Variants in CHRM3 observed in about 807,000 individuals in gnomAD.
The protein encoded by CHRM3 is cholinergic receptor muscarinic 3, also known as muscarinic acetylcholine receptor M3.
A neutral mutation model predicts 41.8 loss-of-function variants in CHRM3; 11 were observed. That is an observed-to-expected ratio of 0.26 (90% CI 0.17 to 0.44). The LOEUF (loss-of-function observed/expected upper bound fraction) is 0.44, where lower values mean the gene tolerates loss of function less well. Ranked by LOEUF, CHRM3 falls within the 20% of genes least tolerant of loss-of-function variation. The pLI is 1.00. For synonymous variants in CHRM3, 297 were observed against 301.4 expected (o/e 0.99, Z 0.15); for missense variants, 571 against 745.4 (o/e 0.77, Z 2.72).
At position 239,611,611 on chromosome 1, in the gene CHRM3, G is replaced by A. The variant is rs551333414; in HGVS notation, c.-312-20613G>A. Among the ~76,000 whole-genome samples the A allele has an allele frequency of 1.2e-4, 18 of 151,900 alleles. No individual in the cohort carries two copies. The East Asian group carries it at 2.3e-3, about 20-fold the overall frequency. ...AACTTTTTTATTTTTAGTAGAGATGGGGTTTCACCATGTTGGCCAGGATGG... is the reference window on the plus strand; with the variant it reads ...AACTTTTTTATTTTTAGTAGAGATGAGGTTTCACCATGTTGGCCAGGATGG... On this transcript the variant is annotated intron_variant, in intron 3 of 6. Transcript: ENST00000676153.
At chr1:239,409,928 G>T (rs1038808585) in intron 1 of CHRM3, among the ~76,000 whole-genome samples, 1 of 152,136 alleles carries the variant, frequency 6.6e-6, no homozygotes, top group Non-Finnish European at 1.5e-5. Context: ...GTGACAGAGC[G>T]AGACTCCGTC....
chr1:239,732,779 A>G (rs892874539), intron 5 of CHRM3, among the ~76,000 whole-genome samples: 2 of 93,030 alleles, frequency 2.1e-5, no homozygotes, highest in Admixed American at 1.3e-4. Context: ...TTAGATAAGT[A>G]TACCTAATAT....
intron 1 of CHRM3, among the ~76,000 whole-genome samples, chr1:239,447,033 C>T (rs1205345576): frequency 6.6e-6 from 1 of 152,068 alleles, no homozygotes; most frequent in African/African-American, 2.4e-5. Flanking sequence ...GGGCTCTAAG[C>T]AATTTTTGTT....
At chr1:239,701,656 A>G (rs1390267454) in intron 5 of CHRM3, among the ~76,000 whole-genome samples, 3 of 152,098 alleles carry the variant, frequency 2.0e-5, no homozygotes, top group Non-Finnish European at 4.4e-5. Context: ...CACATTCATC[A>G]CGTCTCTTCT....
chr1:239,580,704 T>TATATATATACATAC (rs570878631), intron 3 of CHRM3, among the ~76,000 whole-genome samples: 3 of 131,086 alleles, frequency 2.3e-5, no homozygotes, highest in East Asian at 2.1e-4. Context: ...TATATATATA[T>TATATATATACATAC]ACACACACAC....
Position 239,769,204 on chromosome 1 carries a change from A to G in CHRM3, c.-146-58048A>G, listed in dbSNP as rs377311126. The stretch of plus-strand genomic sequence containing the variant: ...TGCCTTTCCCTCCCAGGATGGGGTG[A>G]ACAGGTAGGCAATGGATAAGTAGGG... On this transcript the variant is annotated intron_variant, in intron 5 of 6. Transcript: ENST00000676153. Among the ~76,000 whole-genome samples, 39 of 152,274 alleles carry G rather than the reference A, an allele frequency of 2.6e-4. 1 individual carries two copies. In the East Asian group the frequency reaches 3.7e-3, roughly 14 times the overall value.
rs1659216975 is a variant in CHRM3 at position 239,687,075 on chromosome 1, A to C, written c.-147+8787A>C. On this transcript the variant is annotated intron_variant, in intron 5 of 6. Transcript: ENST00000676153. ...TTCAATATGTATTGATTGTCTTAATATATGTAAGATTATCTATTACATTAT... is the reference window on the plus strand; with the variant it reads ...TTCAATATGTATTGATTGTCTTAATCTATGTAAGATTATCTATTACATTAT... Among the ~76,000 whole-genome samples the C allele has an allele frequency of 1.3e-5, 2 of 151,914 alleles. 1 individual carries two copies. Among genetic ancestry groups the C allele is most frequent in the African/African-American group, 4.8e-5 (2 of 41,518 alleles).
chr1:239,890,803 T>G (rs1183841053), intron 6 of CHRM3, among the ~76,000 whole-genome samples: 1 of 152,104 alleles, frequency 6.6e-6, no homozygotes. Context: ...AATCTGGGAG[T>G]TGGCAATTGC....
chr1:239,420,911 G>A (rs950362850), intron 1 of CHRM3, among the ~76,000 whole-genome samples: 1 of 152,136 alleles, frequency 6.6e-6, no homozygotes, highest in African/African-American at 2.4e-5. Flanking sequence ...ACCTGTAGGT[G>A]TGCTGGTCAT....
intron 5 of CHRM3, among the ~76,000 whole-genome samples, chr1:239,780,754 A>C (rs1668452703): frequency 6.6e-6 from 1 of 152,012 alleles, no homozygotes; most frequent in African/African-American, 2.4e-5. Flanking sequence ...TTTTACATTT[A>C]GATATGTGAT....
intron 3 of CHRM3, among the ~76,000 whole-genome samples, chr1:239,622,449 C>T (rs564958125): frequency 1.3e-4 from 20 of 152,126 alleles, no homozygotes; most frequent in Non-Finnish European, 1.8e-4. Context: ...CTATTAAATA[C>T]ATTCATGATT....
chr1:239,586,933 C>T (rs531102225), intron 3 of CHRM3, among the ~76,000 whole-genome samples: 333 of 152,266 alleles, frequency 2.2e-3, no homozygotes, highest in African/African-American at 7.8e-3. Context: ...ATATTGGCAT[C>T]TCCCAAAATA....
At chr1:239,493,233 A>G (rs1307289968) in intron 2 of CHRM3, among the ~76,000 whole-genome samples, 1 of 152,226 alleles carries the variant, frequency 6.6e-6, no homozygotes, top group Non-Finnish European at 1.5e-5. Flanking sequence ...CTGATATATT[A>G]GTACCTTTCA....
chr1:239,547,906 G>T (rs1259655689), intron 3 of CHRM3, among the ~76,000 whole-genome samples: 1 of 151,860 alleles, frequency 6.6e-6, no homozygotes, highest in African/African-American at 2.4e-5. Flanking sequence ...TTATTAGGCC[G>T]ATCAAGGAAT....
intron 5 of CHRM3, among the ~76,000 whole-genome samples, chr1:239,789,507 A>C (rs1572297145): frequency 6.6e-6 from 1 of 152,308 alleles, no homozygotes; most frequent in African/African-American, 2.4e-5. Context: ...GTGTGGCACC[A>C]ACATCTGCTT....
chr1:239,832,291 C>T (rs1672958974), intron 6 of CHRM3, among the ~76,000 whole-genome samples: 1 of 152,140 alleles, frequency 6.6e-6, no homozygotes, highest in Non-Finnish European at 1.5e-5. Flanking sequence ...AAAACAACTG[C>T]CACAGTGTGC....
chr1:239,716,321 C>T (rs1662359687), intron 5 of CHRM3, among the ~76,000 whole-genome samples: 1 of 152,060 alleles, frequency 6.6e-6, no homozygotes, highest in Admixed American at 6.6e-5. Context: ...AATAACTTCA[C>T]AGAGTGAACA....
At chr1:239,809,019 A>ATTTTT (rs34075379) in intron 5 of CHRM3, among the ~76,000 whole-genome samples, 3 of 125,218 alleles carry the variant, frequency 2.4e-5, no homozygotes, top group Admixed American at 8.5e-5. Flanking sequence ...TCTGAAGTCC[A>ATTTTT]TTTTTTTTTT....
chr1:239,907,764 T>G lies in CHRM3; in HGVS notation c.313T>G (p.Tyr105Asp), dbSNP rs1290736649. The G allele has an allele frequency of 6.2e-7, 1 of 1,614,204 alleles. No individual in the cohort carries two copies. The highest frequency in any genetic ancestry group is 2.2e-5 in the East Asian group (1 of 44,880). Residue 105 changes from tyrosine (Y) to aspartate (D), a missense_variant, in exon 7 of 7, where the codon TAC (tyrosine) becomes GAC (aspartate). Tyr to Asp is a radical substitution (Grantham distance 160). Transcript: ENST00000676153. This position sits in a 1 kb window ranked among gnomAD's most constrained non-coding sequence, Gnocchi z 5.4. ...CAAGCAGCTGAAGACGGTCAACAAC[T>G]ACTTCCTCTTAAGCCTGGCCTGTGC... The part of the protein sequence containing the change: ...VNKQLKTVNN[Y>D]FLLSLACADL...
Sources: allele counts gnomAD v4.1 joint callset (sites outside exome capture counted in the v4.1 genomes callset), GRCh38; gene constraint gnomAD v4.1.1; non-coding constraint Gnocchi (gnomAD v3.1); transcripts MANE v1.5; gene names NCBI Gene and HGNC (gene_info 2026-07-23, HGNC 2026-07-21).